Variants in RRN3 observed in about 807,000 individuals in gnomAD.
RRN3 encodes RNA polymerase I-specific transcription initiation factor RRN3.
Under a neutral mutation model 82.3 loss-of-function variants are expected in RRN3, and 38 were observed. The ratio of observed to expected loss-of-function variants is 0.46; its 90% CI spans 0.36 to 0.61. RRN3 has a LOEUF of 0.61. RRN3 is among the 20% of genes least tolerant of loss of function. RRN3 has a pLI of 0.00. For missense variants in RRN3, 726 were observed against 793.1 expected (o/e 0.92, Z 1.02); for synonymous variants, 284 against 284.3 (o/e 1.00, Z 0.01).
intron 3 of RRN3, among the ~76,000 whole-genome samples, chr16:15,090,839 T>G (rs1384612288): frequency 1.3e-5 from 2 of 151,656 alleles, no homozygotes; most frequent in Non-Finnish European, 2.9e-5. Context: ...ATGATAGGTG[T>G]ATCTCGAACC....
intron 17 of RRN3, among the ~76,000 whole-genome samples, chr16:15,062,891 C>T (rs1244101520): frequency 2.0e-5 from 3 of 152,176 alleles, no homozygotes; most frequent in Non-Finnish European, 4.4e-5. Context: ...AAAACAGGGT[C>T]TTGCTCTGTT....
Position 15,072,882 on chromosome 16 carries a change from G to A in RRN3, c.1128+68C>T, listed in dbSNP as rs2045296488. ...TACTTCATGGTCTCCGTCCACCCCA[G>A]TTTTTAGGGAAAATTTTTGGGCAAA... On this transcript the variant is annotated intron_variant, in intron 12 of 17. Coordinates refer to ENST00000198767, the MANE Select transcript of RRN3 (RefSeq NM_018427.5). The A allele has an allele frequency of 1.9e-6, 3 of 1,560,184 alleles. No individual in the cohort carries two copies. In the East Asian group the frequency reaches 6.8e-5, roughly 35 times the overall value.
chr16:15,072,687 T>C (rs2031560252), intron 12 of RRN3, among the ~76,000 whole-genome samples: 1 of 151,802 alleles, frequency 6.6e-6, no homozygotes, highest in African/African-American at 2.4e-5. Context: ...GTCCCAGCTA[T>C]CGAGAGGGTA....
chr16:15,079,918 T>C (rs1311249588), intron 9 of RRN3, 80 bp downstream of exon 9: 4 of 1,390,932 alleles, frequency 2.9e-6, no homozygotes, highest in African/African-American at 1.5e-5. Flanking sequence ...TTTCTATCAC[T>C]GACTATTGTT....
chr16:15,084,286 C>T (rs2045828001), intron 7 of RRN3, among the ~76,000 whole-genome samples: 1 of 149,924 alleles, frequency 6.7e-6, no homozygotes, highest in African/African-American at 2.4e-5. Context: ...ACCCACAAAC[C>T]TGAAAAGCTT....
At position 15,061,555 on chromosome 16, in the gene RRN3, G is replaced by A; in HGVS notation, c.*189C>T. On this transcript the variant is annotated 3_prime_UTR_variant, in exon 18 of 18. Coordinates refer to ENST00000198767, the MANE Select transcript of RRN3 (RefSeq NM_018427.5). ...TGATAGTCTTCATTTTGTCTGTAAG[G>A]GGAACAACAACAACAAAAAAACCCA... 1 of 484,000 alleles carries A rather than the reference G, an allele frequency of 2.1e-6. No homozygotes were observed. Among genetic ancestry groups the A allele is most frequent in the Non-Finnish European group, 3.7e-6 (1 of 270,326 alleles). The allele number at this position is 484,000 out of a possible 1,614,324, so 30.0% of individuals were successfully genotyped here. A position where few individuals can be genotyped will look rare whatever the true frequency, so the allele number is the denominator to read the frequency against.
intron 8 of RRN3, among the ~76,000 whole-genome samples, chr16:15,081,563 T>A (rs1205559753): frequency 1.3e-5 from 2 of 152,210 alleles, no homozygotes; most frequent in African/African-American, 4.8e-5. Context: ...ATAAGAGTTC[T>A]TTACATATAC....
intron 9 of RRN3, among the ~76,000 whole-genome samples, chr16:15,077,657 C>T (rs569345092): frequency 5.9e-5 from 9 of 152,244 alleles, no homozygotes; most frequent in Middle Eastern, 3.4e-3. Context: ...CTGGCTAACA[C>T]GGTGAAACCC....
At chr16:15,091,204 G>C (rs573916322) in intron 3 of RRN3, 111 bp downstream of exon 3, 1 of 1,309,118 alleles carries the variant, frequency 7.6e-7, no homozygotes, top group South Asian at 1.4e-5. Context: ...TAAAATAAGG[G>C]AGGACCATGG....
In RRN3 at chr16:15,074,766, C is replaced by T. The variant is rs752023489; in HGVS notation, c.954G>A (p.Met318Ile). 57 of 1,613,982 alleles carry T rather than the reference C, an allele frequency of 3.5e-5. No homozygotes were observed. Among genetic ancestry groups the T allele is most frequent in the Non-Finnish European group, 4.7e-5 (56 of 1,180,000 alleles). The change falls in exon 11 of 18, where the codon ATG (methionine) becomes ATA (isoleucine). Residue 318 changes from methionine to isoleucine, a missense_variant. Coordinates refer to ENST00000198767, the MANE Select transcript of RRN3 (RefSeq NM_018427.5). The stretch of plus-strand genomic sequence containing the variant: ...CCTTCATGTAGGACAAAACCAAAGA[C>T]ATCAGGATGTCCAGGCGCTCGGCTA... The part of the protein sequence containing the change: ...HPVAERLDIL[M>I]SLVLSYMKDV...
intron 14 of RRN3, among the ~76,000 whole-genome samples, chr16:15,068,510 G>C (rs918531057): frequency 6.6e-6 from 1 of 152,180 alleles, no homozygotes; most frequent in African/African-American, 2.4e-5. Context: ...AGAAAACTTA[G>C]GAAGTAGCAG....
chr16:15,072,937 C>A lies in RRN3; in HGVS notation c.1128+13G>T. The A allele has an allele frequency of 1.2e-6, 2 of 1,612,918 alleles. No homozygotes were observed. Among genetic ancestry groups the A allele is most frequent in the Non-Finnish European group, 1.7e-6 (2 of 1,179,700 alleles). On this transcript the variant is annotated intron_variant, in intron 12 of 17. Coordinates refer to ENST00000198767, the MANE Select transcript of RRN3 (RefSeq NM_018427.5). ...AAGTAAGCTAAGATAATGTTAATCA[C>A]ATTCTTACTCACCAATTTGAAACTA...
intron 7 of RRN3, 117 bp from the exon 8 acceptor site, chr16:15,083,699 C>T (rs983633814): frequency 6.7e-5 from 96 of 1,432,996 alleles, no homozygotes; most frequent in Middle Eastern, 2.6e-4. Flanking sequence ...AACAGGAACC[C>T]CTACCTCAAA....
chr16:15,076,367 C>T (rs2045454376), intron 10 of RRN3, 191 bp downstream of exon 10: 2 of 606,456 alleles, frequency 3.3e-6, no homozygotes, highest in Non-Finnish European at 5.9e-6. Flanking sequence ...AAATTCAAAG[C>T]CTTGGAAATA....
At chr16:15,084,745 A>T (rs1194220967) in intron 6 of RRN3, 40 bp from the exon 7 acceptor site, 7 of 1,416,228 alleles carry the variant, frequency 4.9e-6, no homozygotes, top group Non-Finnish European at 7.0e-6. Context: ...ATCAAAACAA[A>T]ACTGAAGGGC....
chr16:15,074,342 CACA>C (rs2045361870), intron 11 of RRN3, among the ~76,000 whole-genome samples: 1 of 152,134 alleles, frequency 6.6e-6, no homozygotes, highest in South Asian at 2.1e-4. Flanking sequence ...CTAACACTGG[CACA>C]ACAATGGTGC....
chr16:15,084,023 G>C (rs1224701332), intron 7 of RRN3, among the ~76,000 whole-genome samples: 3 of 152,026 alleles, frequency 2.0e-5, no homozygotes, highest in Non-Finnish European at 4.4e-5. Context: ...GCCAGAACTG[G>C]AACTTACAAT....
chr16:15,089,669 G>A (rs553976694), intron 3 of RRN3, among the ~76,000 whole-genome samples: 4 of 151,426 alleles, frequency 2.6e-5, no homozygotes, highest in Non-Finnish European at 4.4e-5. Context: ...CGGTGGTGGC[G>A]GGCGAGTGTA....
rs142662382 is a variant in RRN3 at position 15,072,801 on chromosome 16, G to A, written c.1128+149C>T. 475 of 782,638 alleles carry A rather than the reference G, an allele frequency of 6.1e-4. 4 individuals are homozygous for A. In the Admixed American group the frequency reaches 0.012, roughly 20 times the overall value. 48.5% of individuals were successfully genotyped at this position (782,638 alleles called of 1,614,324 possible). On this transcript the variant is annotated intron_variant, in intron 12 of 17. Coordinates refer to ENST00000198767, the MANE Select transcript of RRN3 (RefSeq NM_018427.5). ...AAGGAAAAGAAAACAAAAAAAGAAAGGAGAATGCGATTTTATTAAGCAGAC... is the reference window on the plus strand; with the variant it reads ...AAGGAAAAGAAAACAAAAAAAGAAAAGAGAATGCGATTTTATTAAGCAGAC...
Sources: gnomAD v4.1 joint callset for allele counts (sites outside exome capture counted in the v4.1 genomes callset) on GRCh38, gnomAD v4.1.1 for gene constraint, MANE v1.5 for transcripts, NCBI Gene and HGNC (gene_info 2026-07-23, HGNC 2026-07-21) for gene names.